COQ9: variants seen among roughly 807,000 people sequenced by gnomAD.
The protein encoded by COQ9 is coenzyme Q9, also known as ubiquinone biosynthesis protein COQ9, mitochondrial.
A neutral mutation model predicts 42.4 loss-of-function variants in COQ9; 35 were observed. That is an observed-to-expected ratio of 0.83 (90% confidence interval 0.63 to 1.10). The LOEUF (loss-of-function observed/expected upper bound fraction) is 1.10. Ranked by LOEUF, COQ9 falls within the 50% of genes least tolerant of loss-of-function variation. COQ9 has a pLI of 0.00. For synonymous variants in COQ9, 155 were observed against 155.1 expected (o/e 1.00, Z 0.00); for missense variants, 406 against 414.6 (o/e 0.98, Z 0.18).
intron 5 of COQ9, 38 bp downstream of exon 5, chr16:57,457,053 T>A (rs759188783): frequency 3.5e-6 from 5 of 1,449,000 alleles, no homozygotes; most frequent in Non-Finnish European, 4.9e-6. Flanking sequence ...GCAACAATAA[T>A]CCTAATATTT....
rs2030147526 is a variant in COQ9 at position 57,447,510 on chromosome 16, C to G, written c.5C>G (p.Ala2Gly). Residue 2 changes from alanine to glycine, a missense_variant, in exon 1 of 9, where the codon GCG becomes GGG. Ala to Gly is a moderately conservative substitution (Grantham distance 60). Transcript: ENST00000262507. ...GGCGACGTGCCCGCTTCCAAAATGG[C>G]GGCGGCGGCGGTATCTGGTGCGCTT... M[A>G]AAAVSGALGR... The G allele has an allele frequency of 1.5e-6, 2 of 1,301,250 alleles. No individual in the cohort carries two copies. Among genetic ancestry groups the G allele is most frequent in the African/African-American group, 1.5e-5 (1 of 65,192 alleles). 80.6% of individuals were successfully genotyped at this position (1,301,250 alleles called of 1,614,324 possible). A position where few individuals can be genotyped will look rare whatever the true frequency, so the allele number is the denominator to read the frequency against.
At chr16:57,457,327 G>A (rs751134100) in intron 5 of COQ9, 9 of 428,674 alleles carry the variant, frequency 2.1e-5, no homozygotes, top group Non-Finnish European at 3.5e-5. Flanking sequence ...CATGCAGGAG[G>A]TTAGAAGAGT....
chr16:57,448,088 CATT>C (rs2030174858), intron 1 of COQ9, among the ~76,000 whole-genome samples: 2 of 152,166 alleles, frequency 1.3e-5, no homozygotes, highest in Admixed American at 1.3e-4. Flanking sequence ...AACTTTATAT[CATT>C]GTCATAAATG....
chr16:57,460,015 G>A, intron 7 of COQ9, 36 bp from the exon 8 acceptor site: 3 of 1,605,094 alleles, frequency 1.9e-6, no homozygotes, highest in Non-Finnish European at 2.6e-6. Context: ...ACTTTGTGTT[G>A]GTGGCCTAAG....
chr16:57,460,552 G>GC lies in COQ9; in HGVS notation c.922-34dup, dbSNP rs779143557. On this transcript the variant is annotated intron_variant, in intron 8 of 8. Transcript: ENST00000262507. ...CTATTAGAGTCTAGAGGCAAGGTAA[G>GC]CCCTCACTATTCTCTTTATTTCCAT... 2.1e-5 allele frequency: 34 copies of GC among 1,608,012 alleles called. 1 individual carries two copies. In the South Asian group the frequency reaches 3.7e-4, roughly 18 times the overall value.
At chr16:57,454,324 C>T (rs539246703) in intron 3 of COQ9, 1 of 152,302 alleles carries the variant, frequency 6.6e-6, no homozygotes, top group Admixed American at 6.5e-5. Context: ...AAACATGTTG[C>T]CTGTTAAACT....
chr16:57,456,317 T>C, intron 3 of COQ9, 187 bp from the exon 4 acceptor site: 1 of 653,438 alleles, frequency 1.5e-6, no homozygotes, highest in Non-Finnish European at 2.8e-6. Flanking sequence ...GATCCCACTC[T>C]TGCACACACA....
chr16:57,450,767 G>T, intron 1 of COQ9: 1 of 519,772 alleles, frequency 1.9e-6, no homozygotes, highest in Admixed American at 3.2e-5. Context: ...CTGCACATTG[G>T]GGTGAAATTG....
intron 3 of COQ9, chr16:57,453,406 A>T (rs1277759830): frequency 3.8e-6 from 1 of 265,730 alleles, no homozygotes; most frequent in African/African-American, 2.2e-5. Context: ...GGAGACCAAC[A>T]CATCTTATTT....
intron 1 of COQ9, among the ~76,000 whole-genome samples, chr16:57,450,412 CAAA>C (rs59815351): frequency 2.2e-5 from 2 of 92,452 alleles, no homozygotes; most frequent in Admixed American, 1.2e-4. Flanking sequence ...GAGACTCTGA[CAAA>C]AAAAAAAAAA....
Position 57,456,933 on chromosome 16 carries a change from A to G in COQ9, c.524A>G (p.Lys175Arg), listed in dbSNP as rs578020795. The part of the protein sequence containing the change: ...QKLVQLGQAE[K>R]RKTDQFLRDA... ...CTGTTTTCTTTTCCCTCTTCCAGGA[A>G]GAGGAAGACAGACCAGTTCCTGAGG... The change falls in exon 5 of 9, where the codon AAG (lysine) becomes AGG (arginine). Residue 175 changes from lysine to arginine, a missense_variant and splice_region_variant. Coordinates refer to ENST00000262507, the MANE Select transcript of COQ9 (RefSeq NM_020312.4). 71 of 1,612,970 alleles carry G rather than the reference A, an allele frequency of 4.4e-5. No individual in the cohort carries two copies. The South Asian group carries it at 7.1e-4, about 16-fold the overall frequency.
chr16:57,447,862 C>G (rs1426437772), intron 1 of COQ9: 2 of 336,292 alleles, frequency 5.9e-6, no homozygotes, highest in African/African-American at 4.3e-5. Flanking sequence ...CAGCCTGAGC[C>G]TGTTGGTTAC....
At chr16:57,449,356 G>A (rs1238892235) in intron 1 of COQ9, among the ~76,000 whole-genome samples, 1 of 152,198 alleles carries the variant, frequency 6.6e-6, no homozygotes, top group African/African-American at 2.4e-5. Context: ...GTTAGTGTGT[G>A]TTCAAGTCTT....
At position 57,460,601 on chromosome 16, in the gene COQ9, A is replaced by G; in HGVS notation, c.934A>G (p.Thr312Ala). ...ATTCCCGTGTCAGCTCAAGAACTTG[A>G]CAGGTCTAAACCAGCGTCGGTGAGA... ...MGAAVTLKNLTGLNQRR is the reference protein window; with the variant it reads ...MGAAVTLKNLAGLNQRR Residue 312 changes from threonine to alanine, a missense_variant, in exon 9 of 9, where the codon ACA (threonine) becomes GCA (alanine). Transcript: ENST00000262507. The G allele has an allele frequency of 3.7e-6, 6 of 1,614,100 alleles. No individual in the cohort carries two copies. Among genetic ancestry groups the G allele is most frequent in the Non-Finnish European group, 5.1e-6 (6 of 1,179,938 alleles).
chr16:57,456,864 TA>T, intron 4 of COQ9, 66 bp from the exon 5 acceptor site: 1 of 1,457,328 alleles, frequency 6.9e-7, no homozygotes, highest in African/African-American at 1.4e-5. Flanking sequence ...TAGGGCTGAG[TA>T]AACCGTGGAG....
chr16:57,449,052 A>G (rs1419678989), intron 1 of COQ9, among the ~76,000 whole-genome samples: 2 of 152,236 alleles, frequency 1.3e-5, no homozygotes, highest in Non-Finnish European at 2.9e-5. Flanking sequence ...CCTTGAGTTT[A>G]GAGCATGCAG....
At chr16:57,460,133 C>T (rs377606981) in intron 8 of COQ9, 29 bp downstream of exon 8, 1 of 1,611,416 alleles carries the variant, frequency 6.2e-7, no homozygotes, top group African/African-American at 1.3e-5. Context: ...ATCCCTGCCC[C>T]TCCTCTCTCC....
intron 1 of COQ9, 85 bp downstream of exon 1, chr16:57,447,663 A>G (rs953129700): frequency 5.9e-5 from 67 of 1,140,172 alleles, no homozygotes; most frequent in Non-Finnish European, 7.3e-5. Context: ...GGTGGGGGGA[A>G]GAGGCCGTTG....
rs181449518 is a variant in COQ9, at chr16:57,460,520, G to A, written c.922-69G>A. 1.8e-5 allele frequency: 26 copies of A among 1,426,388 alleles called. No individual in the cohort carries two copies. In the African/African-American group the frequency reaches 2.3e-4, roughly 12 times the overall value. The allele number at this position is 1,426,388 out of a possible 1,614,324, so 88.4% of individuals were successfully genotyped here. On this transcript the variant is annotated intron_variant, in intron 8 of 8. Transcript: ENST00000262507. ...AAAAAAAGAGAAAAAGAAAAGCTAG[G>A]TCTTTTCTATTAGAGTCTAGAGGCA...
Sources: gnomAD v4.1 joint callset for allele counts (sites outside exome capture counted in the v4.1 genomes callset) on GRCh38, gnomAD v4.1.1 for gene constraint, MANE v1.5 for transcripts, NCBI Gene and HGNC (gene_info 2026-07-23, HGNC 2026-07-21) for gene names.